The following CNOT4 variants were observed in gnomAD, a reference collection of about 807,000 sequenced individuals.
CNOT4 encodes the protein CCR4-associated factor 4.
CNOT4 carries 8 observed loss-of-function variants against 73.8 expected under a neutral mutation model. The observed-to-expected ratio is 0.11, with a 90% CI of 0.06 to 0.20. The LOEUF (loss-of-function observed/expected upper bound fraction) is 0.20, where lower values mean the gene tolerates loss of function less well. CNOT4 is among the 10% of genes least tolerant of loss of function. The probability of loss-of-function intolerance (pLI) is 1.00; values close to 1 mark genes in which losing one functional copy is unlikely to be tolerated. For missense variants in CNOT4, 564 were observed against 883.4 expected, an observed-to-expected ratio of 0.64 and a Z score of 4.58; for synonymous variants, 293 against 321.1, an observed-to-expected ratio of 0.91 and a Z score of 0.94.
At chr7:135,440,487 T>C (rs1799414073) in intron 1 of CNOT4, among the ~76,000 whole-genome samples, 2 of 152,162 alleles carry the variant, frequency 1.3e-5, no homozygotes, top group African/African-American at 4.8e-5. Flanking sequence ...TAGCCTGGAT[T>C]CCTTCTAGGA....
intron 1 of CNOT4, among the ~76,000 whole-genome samples, chr7:135,465,137 T>G (rs1258825590): frequency 6.6e-6 from 1 of 152,232 alleles, no homozygotes; most frequent in Non-Finnish European, 1.5e-5. Flanking sequence ...CTCTCTGGTT[T>G]TAATAAATTA....
At chr7:135,428,713 G>GA (rs578026544) in intron 2 of CNOT4, among the ~76,000 whole-genome samples, 22 of 151,380 alleles carry the variant, frequency 1.5e-4, no homozygotes, top group Admixed American at 1.4e-3. Context: ...AGAAGACAGT[G>GA]AAAAAAAATC....
chr7:135,415,227 A>T lies in CNOT4; in HGVS notation c.408T>A (p.Gly136=), dbSNP rs1797797026. The T allele has an allele frequency of 6.2e-7, 1 of 1,600,316 alleles. No individual in the cohort carries two copies. Among genetic ancestry groups the T allele is most frequent in the Non-Finnish European group, 8.6e-7 (1 of 1,167,774 alleles). ...LKRPEYFGKF[G]KIHKVVINNS... ...TATTGATGACAACTTTATGTATTTT[A>T]CCAAACTTCCCAAAATATTCTGGTC... Residue 136 remains glycine, a synonymous_variant, in exon 4 of 12, where the codon GGT becomes GGA. Coordinates refer to ENST00000541284, the MANE Select transcript of CNOT4 (RefSeq NM_001190850.2).
At chr7:135,494,923 T>G (rs2129487851) in intron 1 of CNOT4, among the ~76,000 whole-genome samples, 1 of 152,342 alleles carries the variant, frequency 6.6e-6, no homozygotes, top group East Asian at 1.9e-4. Flanking sequence ...TTTACTCTAT[T>G]TTACTTCAGC....
At chr7:135,504,296 T>G in intron 1 of CNOT4, among the ~76,000 whole-genome samples, 1 of 139,436 alleles carries the variant, frequency 7.2e-6, no homozygotes, top group Non-Finnish European at 1.6e-5. Context: ...GATCTACTAA[T>G]TTTTTTTTTT....
chr7:135,500,764 C>T (rs1244123389), intron 1 of CNOT4, among the ~76,000 whole-genome samples: 1 of 152,156 alleles, frequency 6.6e-6, no homozygotes, highest in Non-Finnish European at 1.5e-5. Context: ...GTAATATTTA[C>T]TGGTTATAGC....
chr7:135,476,475 A>C (rs1040704093), intron 1 of CNOT4, among the ~76,000 whole-genome samples: 2 of 152,246 alleles, frequency 1.3e-5, no homozygotes, highest in African/African-American at 2.4e-5. Flanking sequence ...AAGTTATTTA[A>C]ATAAACTAAT....
intron 3 of CNOT4, among the ~76,000 whole-genome samples, chr7:135,420,194 T>C (rs942314490): frequency 6.6e-6 from 1 of 152,096 alleles, no homozygotes; most frequent in Non-Finnish European, 1.5e-5. Context: ...CAAGATGTAT[T>C]AATAAAAACA....
At chr7:135,458,409 G>A (rs1800677028) in intron 1 of CNOT4, among the ~76,000 whole-genome samples, 1 of 152,034 alleles carries the variant, frequency 6.6e-6, no homozygotes, top group South Asian at 2.1e-4. Context: ...GGTGGTCGTT[G>A]CCAAAAGATG....
rs138403133 is a variant in CNOT4, at chr7:135,487,698, A to G, written c.-93+22191T>C. The stretch of plus-strand genomic sequence containing the variant: ...AATATGAATTGCTATTATCTCATGC[A>G]TTGCTTTTTAAAAAAAAATCAGAAT... On this transcript the variant is annotated intron_variant, in intron 1 of 11. Coordinates refer to ENST00000541284, the MANE Select transcript of CNOT4 (RefSeq NM_001190850.2). Among the ~76,000 whole-genome samples, 1,324 of 152,232 alleles carry G rather than the reference A, an allele frequency of 8.7e-3. 23 individuals are homozygous for G. Among genetic ancestry groups the G allele is most frequent in the African/African-American group, 0.03 (1,262 of 41,528 alleles).
At chr7:135,436,646 T>C (rs1366390940) in intron 2 of CNOT4, among the ~76,000 whole-genome samples, 1 of 150,824 alleles carries the variant, frequency 6.6e-6, no homozygotes, top group African/African-American at 2.4e-5. Flanking sequence ...ACAAATTATA[T>C]ATACACATTA....
At chr7:135,469,797 T>C (rs1215826663) in intron 1 of CNOT4, among the ~76,000 whole-genome samples, 5 of 151,732 alleles carry the variant, frequency 3.3e-5, no homozygotes, top group African/African-American at 1.2e-4. Flanking sequence ...TTTTTTGTTG[T>C]TGGTGGTGAT....
chr7:135,411,390 T>C (rs1343233498), intron 6 of CNOT4, among the ~76,000 whole-genome samples: 2 of 151,884 alleles, frequency 1.3e-5, no homozygotes, highest in Admixed American at 6.6e-5. Flanking sequence ...CAGAGTAAAG[T>C]AGTTGTGACA....
chr7:135,397,716 C>T (rs1482290389), intron 8 of CNOT4, among the ~76,000 whole-genome samples: 1 of 151,936 alleles, frequency 6.6e-6, no homozygotes, highest in Non-Finnish European at 1.5e-5. Context: ...AACAGTTTAT[C>T]TGGCTTATCA....
intron 8 of CNOT4, among the ~76,000 whole-genome samples, chr7:135,397,481 A>G (rs1796757644): frequency 6.6e-6 from 1 of 152,036 alleles, no homozygotes; most frequent in Non-Finnish European, 1.5e-5. Flanking sequence ...AAAGCATTAT[A>G]TTTTAGATCT....
intron 10 of CNOT4, among the ~76,000 whole-genome samples, chr7:135,366,407 TAAA>T (rs35226992): frequency 1.3e-5 from 2 of 151,922 alleles, no homozygotes; most frequent in Non-Finnish European, 2.9e-5. Flanking sequence ...AAAACTACTC[TAAA>T]AAAAAGTTTG....
intron 1 of CNOT4, among the ~76,000 whole-genome samples, chr7:135,488,110 A>G (rs1802859493): frequency 6.6e-6 from 1 of 152,174 alleles, no homozygotes; most frequent in African/African-American, 2.4e-5. Flanking sequence ...TTTAAACTCT[A>G]CATAAATCTT....
intron 1 of CNOT4, among the ~76,000 whole-genome samples, chr7:135,503,170 GAC>G (rs1804112839): frequency 6.7e-6 from 1 of 148,400 alleles, no homozygotes; most frequent in Admixed American, 6.7e-5. Context: ...AATAAATAAA[GAC>G]ATTTTATTAT....
At chr7:135,368,952 AT>A (rs1365634699) in intron 10 of CNOT4, among the ~76,000 whole-genome samples, 1 of 152,208 alleles carries the variant, frequency 6.6e-6, no homozygotes, top group African/African-American at 2.4e-5. Flanking sequence ...ATGTAAAACT[AT>A]AAATAGCAAA....
Sources: gnomAD v4.1 joint callset for allele counts (sites outside exome capture counted in the v4.1 genomes callset) on GRCh38, gnomAD v4.1.1 for gene constraint, MANE v1.5 for transcripts, NCBI Gene and HGNC (gene_info 2026-07-23, HGNC 2026-07-21) for gene names.